Variants in DDX25 observed in about 807,000 individuals in gnomAD.
DDX25 encodes the protein ATP-dependent RNA helicase DDX25.
In DDX25, 70 loss-of-function variants were observed where a neutral mutation model predicts 64.6. That is an observed-to-expected ratio of 1.08 (90% confidence interval 0.89 to 1.32). The LOEUF (loss-of-function observed/expected upper bound fraction) is 1.32. Among genes scored for constraint, DDX25 ranks in the 40% most tolerant of loss-of-function variants. The pLI is 0.00. For synonymous variants in DDX25, 211 were observed against 213.3 expected, an observed-to-expected ratio of 0.99 and a Z score of 0.09; for missense variants, 587 against 604.4, an observed-to-expected ratio of 0.97 and a Z score of 0.30.
upstream of DDX25, chr11:125,904,487 C>G: frequency 6.8e-7 from 1 of 1,466,810 alleles, no homozygotes; most frequent in African/African-American, 1.4e-5. Context: ...GGTGGAAGCA[C>G]GTGCTGGGGG....
chr11:125,922,737 C>A, intron 11 of DDX25, 83 bp from the exon 12 acceptor site: 1 of 1,300,034 alleles, frequency 7.7e-7, no homozygotes, highest in Non-Finnish European at 1.1e-6. Context: ...TACGAGGTAT[C>A]ACTGTCTTCA....
chr11:125,917,965 G>A (rs1252350562), intron 9 of DDX25, among the ~76,000 whole-genome samples: 4 of 152,160 alleles, frequency 2.6e-5, no homozygotes, highest in South Asian at 4.1e-4. Flanking sequence ...TGCAATCTCC[G>A]CCTCCTGGGT....
In DDX25 at chr11:125,915,566, C is replaced by T. The variant is rs1011239929; in HGVS notation, c.801-1448C>T. On this transcript the variant is annotated intron_variant, in intron 8 of 11. Transcript: ENST00000263576. ...TTTCACTAAGCTTCAAACGAGACTACTTCTCCACAATATTTATCCCAGCAA... is the reference window on the plus strand; with the variant it reads ...TTTCACTAAGCTTCAAACGAGACTATTTCTCCACAATATTTATCCCAGCAA... Among the ~76,000 whole-genome samples, 9 of 152,310 alleles carry T rather than the reference C, an allele frequency of 5.9e-5. 1 individual carries two copies. In the South Asian group the frequency reaches 1.7e-3, roughly 28 times the overall value.
Position 125,917,049 on chromosome 11 carries a change from C to T in DDX25, c.836C>T (p.Ser279Leu). 6.2e-7 allele frequency: 1 copy of T among 1,606,736 alleles called. No homozygotes were observed. The highest frequency in any genetic ancestry group is 8.5e-7 in the Non-Finnish European group (1 of 1,176,902). The stretch of plus-strand genomic sequence containing the variant: ...TCCGAATGCCAAATGCTCCTCTTTT[C>T]AGCAACCTTTGAGGACTCTGTGTGG... ...LPSECQMLLF[S>L]ATFEDSVWHF... is the part of the protein sequence containing the mutation. Residue 279 changes from serine (S) to leucine (L), a missense_variant, in exon 9 of 12, where the codon TCA becomes TTA. Transcript: ENST00000263576.
In DDX25 at chr11:125,912,795, C is replaced by T. The variant is rs187467711; in HGVS notation, c.800+1307C>T. Among the ~76,000 whole-genome samples the T allele has an allele frequency of 3.0e-3, 461 of 151,634 alleles. 4 individuals carry two copies. The highest frequency in any genetic ancestry group is 9.7e-3 in the East Asian group (50 of 5,164). ...ACTGTGTAAGGATCTTTAATTTTCC[C>T]TTAGCTATTCTATCGTATGTGTCAT... On this transcript the variant is annotated intron_variant, in intron 8 of 11. Transcript: ENST00000263576.
intron 8 of DDX25, among the ~76,000 whole-genome samples, chr11:125,913,138 A>G (rs1259162527): frequency 6.7e-6 from 1 of 149,432 alleles, no homozygotes; most frequent in East Asian, 2.0e-4. Flanking sequence ...AGCCTGGGTG[A>G]CAGAGCAAGA....
chr11:125,905,689 A>ATTC, intron 3 of DDX25, 92 bp downstream of exon 3: 2 of 1,297,194 alleles, frequency 1.5e-6, no homozygotes, highest in Admixed American at 4.1e-5. Flanking sequence ...TCTCAATTGG[A>ATTC]AAAGGCCTGT....
chr11:125,906,789 C>T (rs902040142), intron 4 of DDX25, among the ~76,000 whole-genome samples: 1 of 145,792 alleles, frequency 6.9e-6, no homozygotes, highest in African/African-American at 2.6e-5. Flanking sequence ...CACCATTGCA[C>T]TCCAAGCCTG....
chr11:125,921,564 G>A lies in DDX25; in HGVS notation c.1390+185G>A. The A allele has an allele frequency of 6.3e-6, 4 of 634,960 alleles. No homozygotes were observed. Among genetic ancestry groups the A allele is most frequent in the South Asian group, 5.6e-5 (2 of 35,862 alleles). The allele number at this position is 634,960 out of a possible 1,614,324, so 39.3% of individuals were successfully genotyped here. A position where few individuals can be genotyped will look rare whatever the true frequency, so the allele number is the denominator to read the frequency against. On this transcript the variant is annotated intron_variant, in intron 11 of 11. Transcript: ENST00000263576. The surrounding 1 kb of genome is among the most constrained non-coding windows in gnomAD (Gnocchi z 4.1). ...ACAGATGATTAAATAATGCTTATAT[G>A]GTAATTAAAAATTATTTTGATCAAG...
intron 4 of DDX25, 76 bp downstream of exon 4, chr11:125,906,285 C>T: frequency 1.4e-6 from 2 of 1,426,492 alleles, no homozygotes; most frequent in Non-Finnish European, 1.8e-6. Context: ...ATAGTAAAAA[C>T]CATCAGGATC....
chr11:125,911,735 T>C (rs544145060), intron 8 of DDX25, among the ~76,000 whole-genome samples: 1 of 152,328 alleles, frequency 6.6e-6, no homozygotes, highest in Admixed American at 6.5e-5. Flanking sequence ...TGGACTCTAT[T>C]AATATATAGT....
In DDX25 at chr11:125,925,505, C is replaced by T. The variant is rs1359951093; in HGVS notation, c.*2624C>T. On this transcript the variant is annotated 3_prime_UTR_variant, in exon 12 of 12. Coordinates refer to ENST00000263576, the MANE Select transcript of DDX25 (RefSeq NM_013264.5). ...GCAATTTTCCCGTCTTCCTGCATGG[C>T]CTGGCCAAGGTCATCTCTCTCAGTG... 7 of 455,956 alleles carry T rather than the reference C, an allele frequency of 1.5e-5. No homozygotes were observed. The highest frequency in any genetic ancestry group is 9.4e-5 in the Admixed American group (4 of 42,554). The allele number at this position is 455,956 out of a possible 1,614,324, so 28.2% of individuals were successfully genotyped here. A position where few individuals can be genotyped will look rare whatever the true frequency, so the allele number is the denominator to read the frequency against.
rs912707098 is a variant in DDX25, at chr11:125,904,538, A to C, written c.21A>C (p.Gly7=). The C allele has an allele frequency of 8.0e-6, 12 of 1,496,886 alleles. No individual in the cohort carries two copies. Among genetic ancestry groups the C allele is most frequent in the African/African-American group, 1.4e-5 (1 of 70,718 alleles). 92.7% of individuals were successfully genotyped at this position (1,496,886 alleles called of 1,614,324 possible). ...CAGCCATGGCGTCGTTACTGTGGGG[A>C]GGCGACGCAGGGGCGGCGGAGAGCG... MASLLW[G]GDAGAAESER... is the part of the protein sequence containing the mutation. Residue 7 remains glycine (G), a synonymous_variant, in exon 1 of 12, where the codon GGA becomes GGC. Transcript: ENST00000263576.
At chr11:125,915,197 T>C (rs1033501403) in intron 8 of DDX25, among the ~76,000 whole-genome samples, 1 of 152,184 alleles carries the variant, frequency 6.6e-6, no homozygotes, top group African/African-American at 2.4e-5. Flanking sequence ...TGTTGGTTGA[T>C]CAGCCGTCCA....
Position 125,925,146 on chromosome 11 carries a change from T to C in DDX25, c.*2265T>C. ...GTTCTCTTACTATTCGAGAATCGAG[T>C]TGGACCTTCCACCGTGCTCAGCTCC... On this transcript the variant is annotated 3_prime_UTR_variant, in exon 12 of 12. Coordinates refer to ENST00000263576, the MANE Select transcript of DDX25 (RefSeq NM_013264.5). The C allele has an allele frequency of 4.0e-6, 1 of 253,052 alleles. No individual in the cohort carries two copies. The allele number at this position is 253,052 out of a possible 1,614,324, so 15.7% of individuals were successfully genotyped here. A position where few individuals can be genotyped will look rare whatever the true frequency, so the allele number is the denominator to read the frequency against.
Position 125,926,184 on chromosome 11 carries a change from G to A in DDX25, c.*3303G>A, listed in dbSNP as rs1315213757. On this transcript the variant is annotated 3_prime_UTR_variant, in exon 12 of 12. Transcript: ENST00000263576. Reference sequence around the variant, plus strand: ...TGCACTTTGCTCTCTGAACCGGGGGGCATTACTATGTTCTCACCCACATTG... The same window carrying A: ...TGCACTTTGCTCTCTGAACCGGGGGACATTACTATGTTCTCACCCACATTG... 1.3e-5 allele frequency: 2 copies of A among 152,284 alleles called. No individual in the cohort carries two copies. Among genetic ancestry groups the A allele is most frequent in the Non-Finnish European group, 2.9e-5 (2 of 68,140 alleles). 9.4% of individuals were successfully genotyped at this position (152,284 alleles called of 1,614,324 possible).
At chr11:125,918,232 G>A (rs1366099957) in intron 9 of DDX25, among the ~76,000 whole-genome samples, 1 of 152,112 alleles carries the variant, frequency 6.6e-6, no homozygotes, top group Non-Finnish European at 1.5e-5. Context: ...AATTTGTTGT[G>A]AAAACACATG....
rs2134281843 is a variant in DDX25, at chr11:125,917,016, C to T, written c.803C>T (p.Ala268Val). Reference protein sequence around the residue: ...FSDHSIRIQRALPSECQMLLF... With the variant: ...FSDHSIRIQRVLPSECQMLLF... ...CAGCCTTCTCTCCTCTATCACAGAG[C>T]TCTACCCTCCGAATGCCAAATGCTC... Residue 268 changes from alanine (A) to valine (V), a missense_variant and splice_region_variant, in exon 9 of 12, where the codon GCT (alanine) becomes GTT (valine). Ala to Val is a moderately conservative substitution (Grantham distance 64, BLOSUM62 0). Coordinates refer to ENST00000263576, the MANE Select transcript of DDX25 (RefSeq NM_013264.5). 6 of 1,587,860 alleles carry T rather than the reference C, an allele frequency of 3.8e-6. No homozygotes were observed. The highest frequency in any genetic ancestry group is 1.3e-5 in the African/African-American group (1 of 74,732).
At chr11:125,920,434 C>A in intron 10 of DDX25, among the ~76,000 whole-genome samples, 1 of 81,186 alleles carries the variant, frequency 1.2e-5, no homozygotes, top group Non-Finnish European at 2.6e-5. Context: ...GAGACTCCAT[C>A]TCAAAAAAAA....
Sources: gnomAD v4.1 joint callset for allele counts (sites outside exome capture counted in the v4.1 genomes callset) on GRCh38, gnomAD v4.1.1 for gene constraint, Gnocchi (gnomAD v3.1) non-coding constraint, MANE v1.5 for transcripts, NCBI Gene and HGNC (gene_info 2026-07-23, HGNC 2026-07-21) for gene names.